The following ELMO1 variants were observed in gnomAD, a reference collection of about 807,000 sequenced individuals.
ELMO1 encodes engulfment and cell motility 1, also known as engulfment and cell motility protein 1.
ELMO1 carries 26 observed loss-of-function variants against 98.9 expected under a neutral mutation model. The ratio of observed to expected loss-of-function variants is 0.26; its 90% CI spans 0.19 to 0.36. The LOEUF is 0.36. ELMO1 is among the 10% of genes least tolerant of loss of function. The probability of loss-of-function intolerance (pLI) is 1.00; values close to 1 mark genes in which losing one functional copy is unlikely to be tolerated. For synonymous variants in ELMO1, 346 were observed against 346.0 expected, an observed-to-expected ratio of 1.00 and a Z score of 0.00; for missense variants, 627 against 935.2, an observed-to-expected ratio of 0.67 and a Z score of 4.30.
intron 1 of ELMO1, among the ~76,000 whole-genome samples, chr7:37,357,171 T>G (rs562296191): frequency 4.5e-4 from 69 of 152,296 alleles, no homozygotes; most frequent in African/African-American, 1.3e-3. Context: ...GGGCTTTGGG[T>G]CTTTGTTTCT....
chr7:37,245,180 G>T (rs890573350), intron 6 of ELMO1, among the ~76,000 whole-genome samples: 1 of 152,074 alleles, frequency 6.6e-6, no homozygotes, highest in African/African-American at 2.4e-5. Flanking sequence ...GGTCCTCTAG[G>T]AAGTCTCTCT....
chr7:37,298,524 A>G (rs1216213758), intron 4 of ELMO1, among the ~76,000 whole-genome samples: 2 of 148,016 alleles, frequency 1.4e-5, no homozygotes, highest in Non-Finnish European at 3.0e-5. Flanking sequence ...TCATTGTTCA[A>G]TTCCCACCTA....
chr7:37,111,228 T>C (rs1785233214), intron 14 of ELMO1, among the ~76,000 whole-genome samples: 1 of 152,226 alleles, frequency 6.6e-6, no homozygotes, highest in Non-Finnish European at 1.5e-5. Flanking sequence ...CTTGGCATTA[T>C]GGACTGGACA....
intron 2 of ELMO1, among the ~76,000 whole-genome samples, chr7:37,320,378 C>T (rs756779235): frequency 3.9e-5 from 6 of 152,038 alleles, no homozygotes; most frequent in Admixed American, 6.6e-5. Context: ...GTTCCCCATG[C>T]TTCTGGATCT....
intron 15 of ELMO1, among the ~76,000 whole-genome samples, chr7:37,043,519 C>T (rs1584556643): frequency 6.6e-6 from 1 of 152,090 alleles, no homozygotes; most frequent in African/African-American, 2.4e-5. Context: ...TGGAGTCGGC[C>T]GTATGAATGG....
intron 2 of ELMO1, among the ~76,000 whole-genome samples, chr7:37,321,446 G>A (rs1032743919): frequency 4.0e-5 from 6 of 151,782 alleles, no homozygotes; most frequent in African/African-American, 1.2e-4. Context: ...GGCCGGGCGC[G>A]GTGGTTCACG....
intron 13 of ELMO1, among the ~76,000 whole-genome samples, chr7:37,138,335 C>T (rs1362446046): frequency 1.4e-5 from 2 of 147,918 alleles, no homozygotes; most frequent in Non-Finnish European, 3.0e-5. Flanking sequence ...GTGAGATTAA[C>T]CAAAAAAAGA....
At position 36,866,382 on chromosome 7, in the gene ELMO1, A is replaced by G. The variant is rs139016941; in HGVS notation, c.1905+4011T>C. ...CCTGCTGCACTGAACTCTGTTAAAC[A>G]TAACAGACTCTAAGCTCCAGAAAGA... On this transcript the variant is annotated intron_variant, in intron 20 of 21. Transcript: ENST00000310758. 2.4e-3 allele frequency among the ~76,000 whole-genome samples: 372 copies of G among 152,296 alleles called. 3 individuals are homozygous for G. The highest frequency in any genetic ancestry group is 4.2e-3 in the Non-Finnish European group (289 of 68,004).
intron 13 of ELMO1, among the ~76,000 whole-genome samples, chr7:37,199,846 T>G (rs1303046099): frequency 6.6e-6 from 1 of 152,048 alleles, no homozygotes; most frequent in Non-Finnish European, 1.5e-5. Flanking sequence ...GAGTTCTTGA[T>G]CTCTCTGCAC....
intron 15 of ELMO1, among the ~76,000 whole-genome samples, chr7:37,068,744 G>T (rs1055320237): frequency 2.0e-5 from 3 of 152,102 alleles, no homozygotes; most frequent in Admixed American, 6.6e-5. Context: ...GGAGATAGTG[G>T]TGCTCACTAA....
At chr7:37,238,758 A>G (rs1477465466) in intron 7 of ELMO1, among the ~76,000 whole-genome samples, 1 of 152,188 alleles carries the variant, frequency 6.6e-6, no homozygotes, top group African/African-American at 2.4e-5. Flanking sequence ...ATTAATATAC[A>G]TTAGATTTTA....
chr7:37,317,297 C>T (rs530111470), intron 2 of ELMO1, among the ~76,000 whole-genome samples: 26 of 152,274 alleles, frequency 1.7e-4, no homozygotes, highest in African/African-American at 6.3e-4. Flanking sequence ...CACTGGAGCT[C>T]AATCCTCTAT....
intron 4 of ELMO1, among the ~76,000 whole-genome samples, chr7:37,277,979 C>T (rs964510755): frequency 2.6e-5 from 4 of 152,204 alleles, no homozygotes; most frequent in Non-Finnish European, 4.4e-5. Context: ...TTCTTTGAAT[C>T]CCTTGCCTCA....
chr7:37,155,487 C>CAAAAAAAAAAAA (rs781745325), intron 13 of ELMO1, among the ~76,000 whole-genome samples: 2 of 49,674 alleles, frequency 4.0e-5, no homozygotes, highest in East Asian at 5.9e-4. Context: ...AAACGGAAAG[C>CAAAAAAAAAAAA]AAAAAAAAAA....
intron 13 of ELMO1, among the ~76,000 whole-genome samples, chr7:37,182,854 G>A (rs1480476292): frequency 6.6e-6 from 1 of 152,212 alleles, no homozygotes; most frequent in Non-Finnish European, 1.5e-5. Context: ...TGCAAGAAGA[G>A]TGTGTCAAAC....
chr7:37,079,760 G>A (rs1351522478), intron 15 of ELMO1, among the ~76,000 whole-genome samples: 1 of 151,890 alleles, frequency 6.6e-6, no homozygotes, highest in Non-Finnish European at 1.5e-5. Context: ...TATGCCCCTG[G>A]GAGCCCCACT....
intron 17 of ELMO1, among the ~76,000 whole-genome samples, chr7:36,890,140 G>T (rs937292484): frequency 6.6e-6 from 1 of 152,162 alleles, no homozygotes; most frequent in African/African-American, 2.4e-5. Context: ...AGGGTCATGG[G>T]TTTACTAGCT....
intron 14 of ELMO1, among the ~76,000 whole-genome samples, chr7:37,107,479 A>C (rs544407104): frequency 2.6e-5 from 4 of 152,358 alleles, no homozygotes; most frequent in African/African-American, 9.6e-5. Flanking sequence ...TGGATGCTGA[A>C]TAAAAGCAGA....
At chr7:37,345,852 G>T (rs6967063) in intron 1 of ELMO1, among the ~76,000 whole-genome samples, 7 of 151,304 alleles carry the variant, frequency 4.6e-5, no homozygotes, top group African/African-American at 1.7e-4. Context: ...AGCCGGGCGT[G>T]GTGGTGGGTG....
Sources: gnomAD v4.1 joint callset for allele counts (sites outside exome capture counted in the v4.1 genomes callset) on GRCh38, gnomAD v4.1.1 for gene constraint, MANE v1.5 for transcripts, NCBI Gene and HGNC (gene_info 2026-07-23, HGNC 2026-07-21) for gene names.